The following TSGA10 variants were observed in gnomAD, a reference collection of about 807,000 sequenced individuals.
The protein encoded by TSGA10 is testis specific 10, also known as testis-specific gene 10 protein.
Under a neutral mutation model 96.6 loss-of-function variants are expected in TSGA10, and 43 were observed. That is an observed-to-expected ratio of 0.44 (90% CI 0.35 to 0.57). TSGA10 has a LOEUF of 0.57. Ranked by LOEUF, TSGA10 falls within the 20% of genes least tolerant of loss-of-function variation. The probability of loss-of-function intolerance (pLI) is 0.01; values close to 1 mark genes in which losing one functional copy is unlikely to be tolerated. For synonymous variants in TSGA10, 229 were observed against 269.9 expected (o/e 0.85, Z 1.48); for missense variants, 703 against 834.4 (o/e 0.84, Z 1.94).
intron 2 of TSGA10, among the ~76,000 whole-genome samples, chr2:99,122,291 T>C (rs1482975421): frequency 6.6e-6 from 1 of 152,168 alleles, no homozygotes; most frequent in South Asian, 2.1e-4. Flanking sequence ...TTTGATCTTT[T>C]TCTACCAGTT....
chr2:99,142,196 T>A (rs1213890822), intron 1 of TSGA10: 1 of 152,256 alleles, frequency 6.6e-6, no homozygotes, highest in Non-Finnish European at 1.5e-5. Context: ...AAAAGTCTTC[T>A]TAATTTTTCT....
chr2:99,022,324 CAAAAAAAAAAAAAAA>C (rs56381088), intron 17 of TSGA10, among the ~76,000 whole-genome samples: 1 of 43,910 alleles, frequency 2.3e-5, no homozygotes, highest in East Asian at 1.0e-3. Flanking sequence ...GACCCTGTCT[CAAAAAAAAAAAAAAA>C]AAAAAAAAAA....
intron 16 of TSGA10, among the ~76,000 whole-genome samples, chr2:99,043,823 G>C (rs1031300521): frequency 1.3e-5 from 2 of 152,142 alleles, no homozygotes; most frequent in Non-Finnish European, 2.9e-5. Flanking sequence ...TCAGAATGAA[G>C]GGAAAATCTC....
At chr2:99,012,923 T>C (rs1051598751) in intron 20 of TSGA10, among the ~76,000 whole-genome samples, 4 of 152,248 alleles carry the variant, frequency 2.6e-5, no homozygotes, top group African/African-American at 7.2e-5. Context: ...GAACATATGA[T>C]AGGACACAAA....
At chr2:99,104,793 C>T (rs1195672985) in intron 9 of TSGA10, among the ~76,000 whole-genome samples, 1 of 152,064 alleles carries the variant, frequency 6.6e-6, no homozygotes, top group East Asian at 1.9e-4. Flanking sequence ...ATATTTTTAA[C>T]TCATTACAAT....
At chr2:99,010,325 A>C (rs1485221203) in intron 20 of TSGA10, among the ~76,000 whole-genome samples, 3 of 152,214 alleles carry the variant, frequency 2.0e-5, no homozygotes, top group Admixed American at 1.3e-4. Context: ...CACTGTAGGA[A>C]TATACCAGGA....
intron 17 of TSGA10, among the ~76,000 whole-genome samples, chr2:99,033,134 C>T (rs963298531): frequency 1.9e-4 from 29 of 151,934 alleles, no homozygotes; most frequent in African/African-American, 6.5e-4. Flanking sequence ...TCAAAGAGGT[C>T]GCTTCTGAAT....
Position 99,105,356 on chromosome 2 carries a change from T to TA in TSGA10, c.459+2dup. Reference sequence around the variant, plus strand: ...AGAGACTTTTCTTTTTTTTTTTTTTTACATTATGAACTGTACACTCCAGCT... The same window carrying TA: ...AGAGACTTTTCTTTTTTTTTTTTTTTAACATTATGAACTGTACACTCCAGCT... On this transcript the variant is annotated splice_region_variant and intron_variant, in intron 9 of 20. Coordinates refer to ENST00000393483, the MANE Select transcript of TSGA10 (RefSeq NM_025244.4). The TA allele has an allele frequency of 1.3e-6, 2 of 1,575,028 alleles. No homozygotes were observed. The highest frequency in any genetic ancestry group is 1.7e-6 in the Non-Finnish European group (2 of 1,166,770).
At chr2:99,010,813 G>C (rs1193999445) in intron 20 of TSGA10, among the ~76,000 whole-genome samples, 1 of 152,222 alleles carries the variant, frequency 6.6e-6, no homozygotes, top group African/African-American at 2.4e-5. Flanking sequence ...GGAAGGGCCA[G>C]GTTCAAATGC....
chr2:99,034,974 G>A (rs1012510478), intron 17 of TSGA10, among the ~76,000 whole-genome samples: 4 of 152,032 alleles, frequency 2.6e-5, no homozygotes, highest in African/African-American at 7.2e-5. Context: ...TTTGCTGATC[G>A]CTATGTCAAT....
chr2:99,073,108 C>A, intron 12 of TSGA10, 35 bp from the exon 13 acceptor site: 1 of 1,359,636 alleles, frequency 7.4e-7, no homozygotes. Flanking sequence ...ATAAAAAAAT[C>A]TTAAGCTGTT....
chr2:98,998,281 A>G (rs2077608220), intron 20 of TSGA10, 60 bp from the exon 21 acceptor site: 1 of 1,418,754 alleles, frequency 7.0e-7, no homozygotes. Context: ...AACATGTGTA[A>G]CAAATTTATT....
intron 17 of TSGA10, among the ~76,000 whole-genome samples, chr2:99,033,255 G>T (rs1310978754): frequency 6.6e-6 from 1 of 152,222 alleles, no homozygotes; most frequent in Non-Finnish European, 1.5e-5. Context: ...CCACATTAAA[G>T]TACATGCCCT....
At chr2:99,067,036 C>T (rs1042643979) in intron 15 of TSGA10, among the ~76,000 whole-genome samples, 3 of 152,212 alleles carry the variant, frequency 2.0e-5, no homozygotes, top group African/African-American at 7.2e-5. Flanking sequence ...TTAGTTCTAA[C>T]AAAAGCTTCT....
rs545660199 is a variant in TSGA10, at chr2:99,071,767, A to T, written c.1046T>A (p.Ile349Asn). 3.7e-6 allele frequency: 6 copies of T among 1,613,908 alleles called. No individual in the cohort carries two copies. The South Asian group carries it at 5.5e-5, about 15-fold the overall frequency. ...ELAQIARERD[I>N]LAHDNDNLQE... ...GAGATTGTCATTGTCATGAGCCAAG[A>T]TATCTCTTTCCCTGGCGATCTGGGC... is the stretch of plus-strand genomic sequence containing the variant. Residue 349 changes from isoleucine to asparagine, a missense_variant, in exon 14 of 21, where the codon ATC becomes AAC. This residue lies in a region of TSGA10 where 585 missense variants were observed against 656.8 expected (regional missense o/e 0.89). Transcript: ENST00000393483.
intron 1 of TSGA10, among the ~76,000 whole-genome samples, chr2:99,145,047 T>C (rs1391554103): frequency 6.6e-6 from 1 of 152,148 alleles, no homozygotes; most frequent in Admixed American, 6.5e-5. Context: ...CAAGTTCAAA[T>C]TGGGTCTCAC....
At chr2:99,109,535 C>A (rs1160088370) in intron 5 of TSGA10, 23 bp from the exon 6 acceptor site, 1 of 1,494,484 alleles carries the variant, frequency 6.7e-7, no homozygotes, top group Non-Finnish European at 9.0e-7. Flanking sequence ...TTATTTTGTG[C>A]TTTTTCAGTA....
chr2:99,025,824 T>C (rs956466630), intron 17 of TSGA10, among the ~76,000 whole-genome samples: 2 of 152,206 alleles, frequency 1.3e-5, no homozygotes, highest in African/African-American at 4.8e-5. Flanking sequence ...ATTTTCTTTT[T>C]TTCCTTTGTG....
chr2:99,110,892 A>AT lies in TSGA10; in HGVS notation c.-117dup. ...TTGTATCTTCCAATACTATAATATT[A>AT]TTTTGCTGGCAAATGAGATCAATCT... On this transcript the variant is annotated 5_prime_UTR_variant, in exon 5 of 21. Coordinates refer to ENST00000393483, the MANE Select transcript of TSGA10 (RefSeq NM_025244.4). 1 of 770,242 alleles carries AT rather than the reference A, an allele frequency of 1.3e-6. No homozygotes were observed. 47.7% of individuals were successfully genotyped at this position (770,242 alleles called of 1,614,324 possible). A position where few individuals can be genotyped will look rare whatever the true frequency, so the allele number is the denominator to read the frequency against.
Sources: gnomAD v4.1 joint callset for allele counts (sites outside exome capture counted in the v4.1 genomes callset) on GRCh38, gnomAD v4.1.1 for gene constraint, gnomAD v4.1.1 regional missense constraint, MANE v1.5 for transcripts, NCBI Gene and HGNC (gene_info 2026-07-23, HGNC 2026-07-21) for gene names.